Variants in CUTC observed in about 807,000 individuals in gnomAD.
CUTC encodes the protein copper homeostasis protein cutC homolog.
Under a neutral mutation model 36.2 loss-of-function variants are expected in CUTC, and 27 were observed. The observed-to-expected ratio is 0.75, with a 90% CI of 0.55 to 1.03. The LOEUF (loss-of-function observed/expected upper bound fraction) is 1.03. Among genes scored for constraint, CUTC ranks in the 50% least tolerant of loss-of-function variants. The pLI, the probability that CUTC is intolerant of heterozygous loss-of-function variation, is 0.00. For synonymous variants in CUTC, 114 were observed against 118.3 expected (o/e 0.96, Z 0.24); for missense variants, 315 against 343.5 (o/e 0.92, Z 0.66).
At chr10:99,735,416 A>T (rs1465278221) in intron 1 of CUTC, among the ~76,000 whole-genome samples, 1 of 152,038 alleles carries the variant, frequency 6.6e-6, no homozygotes, top group Non-Finnish European at 1.5e-5. Flanking sequence ...CTGGAAGCAT[A>T]AGAAGGAATG....
At chr10:99,754,414 G>C (rs528163335) in intron 7 of CUTC, 115 bp from the exon 8 acceptor site, 14 of 717,462 alleles carry the variant, frequency 2.0e-5, no homozygotes, top group Non-Finnish European at 3.4e-5. Flanking sequence ...ACTAATTTTT[G>C]AATCAATGAG....
At chr10:99,738,620 A>T (rs2037316865) in intron 2 of CUTC, among the ~76,000 whole-genome samples, 1 of 152,158 alleles carries the variant, frequency 6.6e-6, no homozygotes, top group African/African-American at 2.4e-5. Context: ...TATGTGTGAT[A>T]TCGTTTAACA....
chr10:99,750,906 A>G (rs2037411055), intron 7 of CUTC, among the ~76,000 whole-genome samples: 1 of 152,226 alleles, frequency 6.6e-6, no homozygotes, highest in Admixed American at 6.5e-5. Flanking sequence ...GATAACCATA[A>G]GATCAGTTAA....
chr10:99,734,109 G>A (rs963027418), intron 1 of CUTC, among the ~76,000 whole-genome samples: 14 of 130,804 alleles, frequency 1.1e-4, no homozygotes, highest in Non-Finnish European at 1.5e-4. Flanking sequence ...GGCTCTTGTC[G>A]CCCAGGCTGG....
At chr10:99,738,404 G>GTGTA (rs2037314679) in intron 2 of CUTC, among the ~76,000 whole-genome samples, 1 of 151,422 alleles carries the variant, frequency 6.6e-6, no homozygotes, top group East Asian at 1.9e-4. Flanking sequence ...GTGTGTGTGT[G>GTGTA]TGTGTGTGTG....
rs754696649 is a variant in CUTC at position 99,755,701 on chromosome 10, A to C, written c.784A>C (p.Arg262=). 16 of 1,613,852 alleles carry C rather than the reference A, an allele frequency of 9.9e-6. No homozygotes were observed. The highest frequency in any genetic ancestry group is 1.3e-5 in the Non-Finnish European group (15 of 1,179,764). Residue 262 remains arginine (R), a synonymous_variant, in exon 9 of 9, where the codon AGG becomes CGG. Coordinates refer to ENST00000370476, the MANE Select transcript of CUTC (RefSeq NM_015960.3). The stretch of plus-strand genomic sequence containing the variant: ...AAAGGTAACAGATGTGACCAAAGTA[A>C]GGACTTTGAATGCTATCGCAAAGAA... ...SLKVTDVTKV[R]TLNAIAKNIL...
At chr10:99,744,273 A>G (rs2037362598) in intron 5 of CUTC, among the ~76,000 whole-genome samples, 1 of 152,216 alleles carries the variant, frequency 6.6e-6, no homozygotes, top group African/African-American at 2.4e-5. Context: ...AAAAGTTGTT[A>G]AAAGTGGGTG....
At chr10:99,750,437 T>C (rs760961841) in intron 7 of CUTC, 41 bp downstream of exon 7, 4 of 1,524,540 alleles carry the variant, frequency 2.6e-6, no homozygotes, top group Middle Eastern at 1.7e-4. Context: ...AACACTGAAC[T>C]ATAGTGGAGG....
At chr10:99,741,953 A>C (rs535307750) in intron 3 of CUTC, among the ~76,000 whole-genome samples, 4 of 152,126 alleles carry the variant, frequency 2.6e-5, no homozygotes, top group Admixed American at 2.6e-4. Context: ...TCCTCCCTGT[A>C]CTGTCTCCTA....
chr10:99,746,384 G>A (rs2037377824), intron 5 of CUTC, among the ~76,000 whole-genome samples: 1 of 152,096 alleles, frequency 6.6e-6, no homozygotes, highest in Non-Finnish European at 1.5e-5. Flanking sequence ...GGAGGACAGA[G>A]AGGATCAGGA....
chr10:99,738,392 G>GTGTA lies in CUTC; in HGVS notation c.134-1315_134-1314insATGT, dbSNP rs889644460. 1.1e-4 allele frequency among the ~76,000 whole-genome samples: 16 copies of GTGTA among 143,138 alleles called. 1 individual carries two copies. The highest frequency in any genetic ancestry group is 7.7e-4 in the Admixed American group (11 of 14,348). The allele number at this position is 143,138 out of a possible 152,430, so 93.9% of individuals were successfully genotyped here. ...TTTCTCCAGTTGACTCATACAGGGT[G>GTGTA]TGTGTGTGTGTGTGTGTGTGTGTGT... On this transcript the variant is annotated intron_variant, in intron 2 of 8. Coordinates refer to ENST00000370476, the MANE Select transcript of CUTC (RefSeq NM_015960.3).
intron 2 of CUTC, 72 bp downstream of exon 2, chr10:99,736,389 A>G (rs1049732344): frequency 3.5e-5 from 40 of 1,130,922 alleles, no homozygotes; most frequent in Non-Finnish European, 5.4e-5. Context: ...CTGTGTGCTT[A>G]TCTCAGAAGC....
At chr10:99,738,397 T>TGG (rs1006660335) in intron 2 of CUTC, among the ~76,000 whole-genome samples, 4 of 150,102 alleles carry the variant, frequency 2.7e-5, no homozygotes, top group African/African-American at 4.9e-5. Context: ...AGGGTGTGTG[T>TGG]GTGTGTGTGT....
rs774803116 is a variant in CUTC, at chr10:99,743,167, G to A, written c.208G>A (p.Val70Met). ...TTPSMGVLQV[V>M]KQSVQIPVFV... ...TTTTCTTGTAGGTGTCCTTCAAGTA[G>A]TGAAGCAGAGTGTTCAGATCCCAGT... Residue 70 changes from valine (V) to methionine (M), a missense_variant, in exon 4 of 9, where the codon GTG becomes ATG. Coordinates refer to ENST00000370476, the MANE Select transcript of CUTC (RefSeq NM_015960.3). 1 of 1,614,086 alleles carries A rather than the reference G, an allele frequency of 6.2e-7. No homozygotes were observed. The highest frequency in any genetic ancestry group is 8.5e-7 in the Non-Finnish European group (1 of 1,179,986).
rs745863158 is a variant in CUTC, at chr10:99,743,260, G to A, written c.301G>A (p.Ala101Thr). The A allele has an allele frequency of 5.6e-6, 9 of 1,614,038 alleles. No homozygotes were observed. The South Asian group carries it at 8.8e-5, about 16-fold the overall frequency. The stretch of plus-strand genomic sequence containing the variant: ...AGATCGTGAAATTGAGGTGATGAAG[G>A]CTGACATTCGTCTTGCCAAGCTTTA... ...YSDREIEVMKADIRLAKLYGA... is the reference protein window; with the variant it reads ...YSDREIEVMKTDIRLAKLYGA... Residue 101 changes from alanine to threonine, a missense_variant, in exon 4 of 9, where the codon GCT becomes ACT. Transcript: ENST00000370476.
chr10:99,735,687 C>T (rs1337772221), intron 1 of CUTC, among the ~76,000 whole-genome samples: 7 of 152,186 alleles, frequency 4.6e-5, no homozygotes, highest in African/African-American at 1.4e-4. Context: ...GGATTACAGG[C>T]ATGAGCCATC....
At chr10:99,735,362 TGAG>T (rs1402461474) in intron 1 of CUTC, among the ~76,000 whole-genome samples, 1 of 152,062 alleles carries the variant, frequency 6.6e-6, no homozygotes, top group Non-Finnish European at 1.5e-5. Flanking sequence ...AACTCTGGGT[TGAG>T]GAGAAGGCAT....
chr10:99,743,562 T>G (rs1427990628), intron 4 of CUTC, among the ~76,000 whole-genome samples, 200 bp downstream of exon 4: 2 of 152,160 alleles, frequency 1.3e-5, no homozygotes, highest in African/African-American at 2.4e-5. Context: ...TCTCCTCAAT[T>G]GCTATAGATT....
chr10:99,747,481 A>T, intron 6 of CUTC, 91 bp downstream of exon 6: 1 of 1,452,426 alleles, frequency 6.9e-7, no homozygotes. Context: ...ACTATATATT[A>T]CTGACTTTGT....
Sources: allele counts gnomAD v4.1 joint callset (sites outside exome capture counted in the v4.1 genomes callset), GRCh38; gene constraint gnomAD v4.1.1; transcripts MANE v1.5; gene names NCBI Gene and HGNC (gene_info 2026-07-23, HGNC 2026-07-21).